The following ASTN2 variants were observed in gnomAD, a reference collection of about 807,000 sequenced individuals.
The protein encoded by ASTN2 is astrotactin 2.
A neutral mutation model predicts 139.8 loss-of-function variants in ASTN2; 54 were observed. The observed-to-expected ratio is 0.39, with a 90% CI of 0.31 to 0.48. The LOEUF (loss-of-function observed/expected upper bound fraction) is 0.48, where lower values mean the gene tolerates loss of function less well. ASTN2 is among the 20% of genes least tolerant of loss of function. ASTN2 has a pLI of 0.95. For missense variants in ASTN2, 1,565 were observed against 1,725.1 expected (o/e 0.91, Z 1.64); for synonymous variants, 756 against 719.5 (o/e 1.05, Z -0.81).
chr9:116,567,478 T>C (rs1853293284), intron 19 of ASTN2, among the ~76,000 whole-genome samples: 3 of 152,142 alleles, frequency 2.0e-5, no homozygotes, highest in Non-Finnish European at 4.4e-5. Flanking sequence ...CTTGTGGACA[T>C]GCAGCTTCTC....
At chr9:116,533,415 G>C (rs1851455913) in intron 19 of ASTN2, among the ~76,000 whole-genome samples, 1 of 152,194 alleles carries the variant, frequency 6.6e-6, no homozygotes. Flanking sequence ...GGAGTGGTGA[G>C]AGAGGGTATC....
At chr9:116,980,240 A>T (rs540657731) in intron 7 of ASTN2, among the ~76,000 whole-genome samples, 7 of 152,142 alleles carry the variant, frequency 4.6e-5, no homozygotes, top group Admixed American at 1.3e-4. Context: ...CTGATGTAAG[A>T]AGTAATTGAA....
chr9:117,163,294 C>A (rs911000201), intron 3 of ASTN2, among the ~76,000 whole-genome samples: 1 of 152,044 alleles, frequency 6.6e-6, no homozygotes, highest in Non-Finnish European at 1.5e-5. Context: ...TGAATTGAGA[C>A]TGTATTTTGT....
intron 20 of ASTN2, among the ~76,000 whole-genome samples, chr9:116,483,930 C>T (rs1236636872): frequency 6.6e-6 from 1 of 152,202 alleles, no homozygotes. Context: ...TAGTCCTTCA[C>T]TCTCCTGCCA....
intron 3 of ASTN2, among the ~76,000 whole-genome samples, chr9:117,166,356 C>T (rs1327402642): frequency 6.6e-6 from 1 of 152,020 alleles, no homozygotes; most frequent in Non-Finnish European, 1.5e-5. Flanking sequence ...TCATCCTTTC[C>T]GTTGTAGTCA....
intron 13 of ASTN2, among the ~76,000 whole-genome samples, chr9:116,782,702 C>G (rs1830251421): frequency 6.6e-6 from 1 of 152,142 alleles, no homozygotes; most frequent in Non-Finnish European, 1.5e-5. Context: ...GATGGCTAAC[C>G]CAACCAAAAT....
chr9:116,642,132 C>CAAAAAAA lies in ASTN2; in HGVS notation c.3072+9389_3072+9395dup, dbSNP rs1252642911. Reference sequence around the variant, plus strand: ...TGGGAAAATGAAGGCTCCCAACCCACAAAAAAAAAAAAACAAAAAAAAACA... The same window carrying CAAAAAAA: ...TGGGAAAATGAAGGCTCCCAACCCACAAAAAAAAAAAAAAAAAAAACAAAAAAAAACA... On this transcript the variant is annotated intron_variant, in intron 17 of 22. Transcript: ENST00000313400. Among the ~76,000 whole-genome samples, 231 of 48,702 alleles carry CAAAAAAA rather than the reference C, an allele frequency of 4.7e-3. 16 individuals carry two copies. The highest frequency in any genetic ancestry group is 0.016 in the Middle Eastern group (1 of 62). 32.0% of individuals were successfully genotyped at this position (48,702 alleles called of 152,430 possible).
intron 1 of ASTN2, among the ~76,000 whole-genome samples, chr9:117,323,642 A>G (rs1347387796): frequency 1.3e-5 from 2 of 152,212 alleles, no homozygotes; most frequent in East Asian, 3.8e-4. Flanking sequence ...CTCAACAAGC[A>G]CAAAGAAACC....
At chr9:116,580,004 T>G (rs1309608685) in intron 19 of ASTN2, among the ~76,000 whole-genome samples, 1 of 152,142 alleles carries the variant, frequency 6.6e-6, no homozygotes, top group Non-Finnish European at 1.5e-5. Context: ...GTATTTTTAG[T>G]AGAGACGGGA....
At chr9:116,494,308 CAG>C (rs890653325) in intron 19 of ASTN2, among the ~76,000 whole-genome samples, 6 of 152,114 alleles carry the variant, frequency 3.9e-5, no homozygotes, top group Admixed American at 3.9e-4. Context: ...CTATCAATTT[CAG>C]AGAGTCAGGT....
At chr9:116,805,109 A>AGT (rs10681699) in intron 13 of ASTN2, among the ~76,000 whole-genome samples, 3,943 of 142,956 alleles carry the variant, frequency 0.028, 82 homozygotes, top group Middle Eastern at 0.055. Context: ...GGATTTGGGG[A>AGT]GTGTGTGTGT....
At chr9:116,453,284 C>T (rs1023748166) in intron 20 of ASTN2, among the ~76,000 whole-genome samples, 1 of 152,078 alleles carries the variant, frequency 6.6e-6, no homozygotes, top group Admixed American at 6.6e-5. Flanking sequence ...CAATACTTGC[C>T]TCACAAGATT....
chr9:116,963,006 T>G (rs1835912729), intron 10 of ASTN2, among the ~76,000 whole-genome samples: 1 of 152,194 alleles, frequency 6.6e-6, no homozygotes. Flanking sequence ...GAACTGGGAA[T>G]ACAATGATGT....
intron 1 of ASTN2, among the ~76,000 whole-genome samples, chr9:117,382,621 T>G (rs1156590378): frequency 1.3e-5 from 2 of 152,112 alleles, no homozygotes; most frequent in Non-Finnish European, 2.9e-5. Context: ...GTAAATGACT[T>G]TCAACACACA....
intron 2 of ASTN2, among the ~76,000 whole-genome samples, chr9:117,244,716 AAGGGAGGGAAGGAGGGAGTG>A (rs1257952848): frequency 1.5e-5 from 2 of 133,244 alleles, no homozygotes; most frequent in Admixed American, 7.4e-5. Context: ...AGGAAGGAGA[AAGGGAGGGAAGGAGGGAGTG>A]AGGGAGGGAA....
At chr9:117,051,324 T>C (rs1415192143) in intron 5 of ASTN2, among the ~76,000 whole-genome samples, 1 of 152,242 alleles carries the variant, frequency 6.6e-6, no homozygotes, top group East Asian at 1.9e-4. Context: ...TTTTATTTGA[T>C]TAATCATAAA....
At chr9:116,895,259 G>A (rs1833854594) in intron 10 of ASTN2, among the ~76,000 whole-genome samples, 1 of 152,192 alleles carries the variant, frequency 6.6e-6, no homozygotes, top group African/African-American at 2.4e-5. Context: ...TATGCATAAG[G>A]TGTATATGAA....
chr9:117,327,750 T>C (rs760040687), intron 1 of ASTN2, among the ~76,000 whole-genome samples: 44 of 152,184 alleles, frequency 2.9e-4, no homozygotes, highest in Admixed American at 1.3e-3. Flanking sequence ...CTTCAACAAA[T>C]ATTTGCAATA....
intron 19 of ASTN2, among the ~76,000 whole-genome samples, chr9:116,552,469 C>G (rs1852396658): frequency 6.6e-6 from 1 of 152,194 alleles, no homozygotes. Context: ...GGCTCAAGCT[C>G]TCATCCACTA....
Sources: gnomAD v4.1 joint callset for allele counts (sites outside exome capture counted in the v4.1 genomes callset) on GRCh38, gnomAD v4.1.1 for gene constraint, MANE v1.5 for transcripts, NCBI Gene and HGNC (gene_info 2026-07-23, HGNC 2026-07-21) for gene names.